The following PIEZO2 variants were observed in gnomAD, a reference collection of about 807,000 sequenced individuals.
The protein encoded by PIEZO2 is piezo-type mechanosensitive ion channel component 2.
PIEZO2 carries 172 observed loss-of-function variants against 337.3 expected under a neutral mutation model. The ratio of observed to expected loss-of-function variants is 0.51; its 90% CI spans 0.45 to 0.58. The LOEUF is 0.58. PIEZO2 is among the 20% of genes least tolerant of loss of function. The probability of loss-of-function intolerance (pLI) is 0.00; values close to 1 mark genes in which losing one functional copy is unlikely to be tolerated. For synonymous variants in PIEZO2, 1,251 were observed against 1,228.5 expected, an observed-to-expected ratio of 1.02 and a Z score of -0.38; for missense variants, 3,028 against 3,391.3, an observed-to-expected ratio of 0.89 and a Z score of 2.66.
At chr18:10,971,993 G>C (rs1456582294) in intron 3 of PIEZO2, among the ~76,000 whole-genome samples, 1 of 151,946 alleles carries the variant, frequency 6.6e-6, no homozygotes, top group African/African-American at 2.4e-5. Flanking sequence ...GATATGGTAA[G>C]AATTAGATAA....
chr18:10,825,487 GTGTT>G (rs2040641822), intron 7 of PIEZO2, among the ~76,000 whole-genome samples: 1 of 150,700 alleles, frequency 6.6e-6, no homozygotes, highest in Non-Finnish European at 1.5e-5. Flanking sequence ...ACTTGGCTGA[GTGTT>G]TGTCAGGTCT....
At chr18:11,095,566 A>G (rs548147079) in intron 1 of PIEZO2, among the ~76,000 whole-genome samples, 1 of 152,354 alleles carries the variant, frequency 6.6e-6, no homozygotes, top group Non-Finnish European at 1.5e-5. Flanking sequence ...TTGGCCAAAG[A>G]TATTTCTTAA....
At chr18:10,923,225 T>C (rs1407087069) in intron 3 of PIEZO2, among the ~76,000 whole-genome samples, 1 of 152,200 alleles carries the variant, frequency 6.6e-6, no homozygotes, top group Non-Finnish European at 1.5e-5. Context: ...ATCAGTTCTC[T>C]GGTTTATATG....
chr18:10,991,576 C>G (rs539011314), intron 2 of PIEZO2, among the ~76,000 whole-genome samples: 2 of 152,160 alleles, frequency 1.3e-5, no homozygotes, highest in African/African-American at 2.4e-5. Context: ...TTTTCTATGG[C>G]TGCATAGTAT....
intron 5 of PIEZO2, among the ~76,000 whole-genome samples, chr18:10,864,629 C>T (rs1444707823): frequency 1.3e-5 from 2 of 152,148 alleles, no homozygotes; most frequent in Non-Finnish European, 2.9e-5. Context: ...TAAACATGCC[C>T]ATAGATAAAA....
intron 10 of PIEZO2, 88 bp from the exon 11 acceptor site, chr18:10,800,563 A>C: frequency 2.9e-6 from 4 of 1,371,256 alleles, no homozygotes; most frequent in Admixed American, 3.1e-5. Context: ...CCTCCACCCT[A>C]ACTGAACAGT....
chr18:11,103,584 A>G (rs2039477812), intron 1 of PIEZO2, among the ~76,000 whole-genome samples: 2 of 152,218 alleles, frequency 1.3e-5, no homozygotes, highest in African/African-American at 2.4e-5. Flanking sequence ...CAATCCCTTT[A>G]TAACAATTGG....
intron 3 of PIEZO2, among the ~76,000 whole-genome samples, chr18:10,975,042 C>G (rs2034390097): frequency 6.6e-6 from 1 of 152,204 alleles, no homozygotes; most frequent in Non-Finnish European, 1.5e-5. Flanking sequence ...ACTTAAAGAA[C>G]AGCAAAGCTC....
chr18:11,002,690 G>A lies in PIEZO2; in HGVS notation c.161-23030C>T, dbSNP rs932932315. Among the ~76,000 whole-genome samples, 11 of 152,158 alleles carry A rather than the reference G, an allele frequency of 7.2e-5. No individual in the cohort carries two copies. The highest frequency in any genetic ancestry group is 1.3e-4 in the Non-Finnish European group (9 of 68,042). ...TTTGTTGCAATGTTTTACTGGCGGCGGCGGGGAACACATTCAGGCAGAGAT... is the reference window on the plus strand; with the variant it reads ...TTTGTTGCAATGTTTTACTGGCGGCAGCGGGGAACACATTCAGGCAGAGAT... On this transcript the variant is annotated intron_variant, in intron 2 of 55. Coordinates refer to ENST00000674853, the MANE Select transcript of PIEZO2 (RefSeq NM_001378183.1). This position sits in a 1 kb window ranked among gnomAD's most constrained non-coding sequence, Gnocchi z 4.3.
At position 11,102,363 on chromosome 18, in the gene PIEZO2, A is replaced by G. The variant is rs765224362; in HGVS notation, c.65-36141T>C. Among the ~76,000 whole-genome samples the G allele has an allele frequency of 2.5e-4, 38 of 152,228 alleles. No individual in the cohort carries two copies. The highest frequency in any genetic ancestry group is 5.0e-4 in the Non-Finnish European group (34 of 68,046). On this transcript the variant is annotated intron_variant, in intron 1 of 55. Coordinates refer to ENST00000674853, the MANE Select transcript of PIEZO2 (RefSeq NM_001378183.1). The surrounding 1 kb of genome is among the most constrained non-coding windows in gnomAD (Gnocchi z 5.7). The stretch of plus-strand genomic sequence containing the variant: ...CAGTTTTTGGTAATAAGTTACCAGC[A>G]TAATCTCAATTTACAAAGTAGAATG...
At position 11,116,263 on chromosome 18, in the gene PIEZO2, G is replaced by A. The variant is rs1306770636; in HGVS notation, c.64+32262C>T. Among the ~76,000 whole-genome samples, 2 of 152,134 alleles carry A rather than the reference G, an allele frequency of 1.3e-5. No homozygotes were observed. Among genetic ancestry groups the A allele is most frequent in the Non-Finnish European group, 2.9e-5 (2 of 68,026 alleles). On this transcript the variant is annotated intron_variant, in intron 1 of 55. Transcript: ENST00000674853. This position sits in a 1 kb window ranked among gnomAD's most constrained non-coding sequence, Gnocchi z 5.0. The stretch of plus-strand genomic sequence containing the variant: ...CTATCTGGTCTTTGATTTTGGAAAT[G>A]TCTAGGAGTTTGGGGATCCCAGGAA...
chr18:10,871,365 A>C lies in PIEZO2; in HGVS notation c.380T>G (p.Ile127Ser). 6.5e-7 allele frequency: 1 copy of C among 1,537,420 alleles called. No homozygotes were observed. Among genetic ancestry groups the C allele is most frequent in the Non-Finnish European group, 8.7e-7 (1 of 1,146,912 alleles). ...GGTCAGACTAGCAATGAACATCCCG[A>C]TGTCAGGTACAAACACTCTGATCCC... ...GNGIRVFVPD[I>S]GMFIASLTIW... Residue 127 changes from isoleucine (I) to serine (S), a missense_variant, in exon 5 of 56, where the codon ATC (isoleucine) becomes AGC (serine). By Grantham distance (142) the Ile-to-Ser change is moderately radical. Coordinates refer to ENST00000674853, the MANE Select transcript of PIEZO2 (RefSeq NM_001378183.1).
chr18:10,689,815 A>G lies in PIEZO2; in HGVS notation c.7350-13T>C, dbSNP rs542999504. The G allele has an allele frequency of 3.3e-4, 530 of 1,597,022 alleles. 5 individuals carry two copies. The South Asian group carries it at 5.7e-3, about 17-fold the overall frequency. ...CACGAGGCGAAACCTGGCAGGAAAC[A>G]CATCTCGTCAGAGAGACATTCGTGG... On this transcript the variant is annotated splice_polypyrimidine_tract_variant and intron_variant, in intron 48 of 55. Coordinates refer to ENST00000674853, the MANE Select transcript of PIEZO2 (RefSeq NM_001378183.1).
chr18:10,798,924 C>G (rs779565519), intron 11 of PIEZO2, among the ~76,000 whole-genome samples: 8 of 151,182 alleles, frequency 5.3e-5, no homozygotes, highest in Non-Finnish European at 1.0e-4. Flanking sequence ...GGGAACGAAA[C>G]AGTAGAGTTT....
At chr18:10,749,713 G>C (rs72976235) in intron 29 of PIEZO2, among the ~76,000 whole-genome samples, 33,268 of 152,070 alleles carry the variant, frequency 0.22, 3,896 homozygotes, top group Non-Finnish European at 0.27. Flanking sequence ...GACAGGAGGA[G>C]CCTGAAGTCA....
intron 17 of PIEZO2, among the ~76,000 whole-genome samples, chr18:10,782,132 A>G (rs2039006461): frequency 7.0e-6 from 1 of 142,660 alleles, no homozygotes. Context: ...TGAACATTTT[A>G]TATATTATAT....
rs1372164065 is a variant in PIEZO2 at position 10,789,111 on chromosome 18, C to G, written c.2137G>C (p.Val713Leu). Residue 713 changes from valine to leucine, a missense_variant, in exon 15 of 56, where the codon GTG (valine) becomes CTG (leucine). Physicochemically the swap from Val to Leu is conservative, Grantham distance 32. This residue lies in a region of PIEZO2 where 1,925 missense variants were observed against 2,051.9 expected (regional missense o/e 0.94). Transcript: ENST00000674853. ...AGGGCCACACAGAACAGGAACAGCACCATGTAGATGATTTTGTACATTACG... is the reference window on the plus strand; with the variant it reads ...AGGGCCACACAGAACAGGAACAGCAGCATGTAGATGATTTTGTACATTACG... ...KIVMYKIIYM[V>L]LFLFCVALYQ... The G allele has an allele frequency of 1.3e-6, 2 of 1,537,228 alleles. No homozygotes were observed.
At chr18:10,949,493 C>T (rs1336929872) in intron 3 of PIEZO2, among the ~76,000 whole-genome samples, 2 of 100,940 alleles carry the variant, frequency 2.0e-5, no homozygotes, top group South Asian at 2.5e-4. Context: ...AACCTGGATT[C>T]CCACTCTGTC....
chr18:11,028,762 C>T lies in PIEZO2; in HGVS notation c.160+37365G>A, dbSNP rs140995830. ...TCAGGTCTGAATAATACATGGCCAG[C>T]CAGCGTTGGCCATGGTGCTGTGCAG... On this transcript the variant is annotated intron_variant, in intron 2 of 55. Coordinates refer to ENST00000674853, the MANE Select transcript of PIEZO2 (RefSeq NM_001378183.1). The surrounding 1 kb of genome is among the most constrained non-coding windows in gnomAD (Gnocchi z 4.8). Among the ~76,000 whole-genome samples, 491 of 152,224 alleles carry T rather than the reference C, an allele frequency of 3.2e-3. 1 individual carries two copies. Among genetic ancestry groups the T allele is most frequent in the Non-Finnish European group, 6.0e-3 (406 of 68,022 alleles).
Sources: gnomAD v4.1 joint callset for allele counts (sites outside exome capture counted in the v4.1 genomes callset) on GRCh38, gnomAD v4.1.1 for gene constraint, gnomAD v4.1.1 regional missense constraint, Gnocchi (gnomAD v3.1) non-coding constraint, MANE v1.5 for transcripts, NCBI Gene and HGNC (gene_info 2026-07-23, HGNC 2026-07-21) for gene names.